The following SNTG1 variants were observed in gnomAD, a reference collection of about 807,000 sequenced individuals.
SNTG1 encodes syntrophin gamma 1, also known as gamma-1-syntrophin.
SNTG1 carries 39 observed loss-of-function variants against 74.7 expected under a neutral mutation model. The ratio of observed to expected loss-of-function variants is 0.52; its 90% confidence interval spans 0.40 to 0.68. SNTG1 has a LOEUF of 0.68. Ranked by LOEUF, SNTG1 falls within the 30% of genes least tolerant of loss-of-function variation. The probability of loss-of-function intolerance (pLI) is 0.00; values close to 1 mark genes in which losing one functional copy is unlikely to be tolerated. For missense variants in SNTG1, 685 were observed against 609.5 expected (o/e 1.12, Z -1.30); for synonymous variants, 254 against 217.1 (o/e 1.17, Z -1.49).
chr8:49,940,542 T>G (rs1808593968), intron 1 of SNTG1, among the ~76,000 whole-genome samples: 1 of 152,184 alleles, frequency 6.6e-6, no homozygotes, highest in Non-Finnish European at 1.5e-5. Flanking sequence ...GAAGCAAACT[T>G]TCATAACATT....
At chr8:49,930,822 A>G (rs1173237009) in intron 1 of SNTG1, among the ~76,000 whole-genome samples, 2 of 152,208 alleles carry the variant, frequency 1.3e-5, no homozygotes, top group East Asian at 1.9e-4. Context: ...TAAATAAGAT[A>G]TTAGTAAGAA....
chr8:49,993,653 T>G (rs1026742097), intron 1 of SNTG1, among the ~76,000 whole-genome samples: 2 of 152,142 alleles, frequency 1.3e-5, no homozygotes, highest in Non-Finnish European at 2.9e-5. Flanking sequence ...TGAGAACATA[T>G]AGTGTTTGGT....
chr8:50,190,084 T>C (rs1273972498), intron 2 of SNTG1, among the ~76,000 whole-genome samples: 1 of 152,146 alleles, frequency 6.6e-6, no homozygotes, highest in Non-Finnish European at 1.5e-5. Flanking sequence ...TAAACAAGCA[T>C]GTACTGAATA....
At chr8:50,090,246 AT>A (rs1176271365) in intron 1 of SNTG1, among the ~76,000 whole-genome samples, 24 of 152,274 alleles carry the variant, frequency 1.6e-4, no homozygotes. Context: ...CCAGTTGTAA[AT>A]TGGCTTAAAT....
chr8:50,758,719 T>C (rs2095588387), intron 18 of SNTG1, among the ~76,000 whole-genome samples: 1 of 152,086 alleles, frequency 6.6e-6, no homozygotes, highest in African/African-American at 2.4e-5. Flanking sequence ...ATCCAGTCTA[T>C]CATTGATGGG....
chr8:50,148,317 T>A lies in SNTG1; in HGVS notation c.-102-24244T>A, dbSNP rs540585460. On this transcript the variant is annotated intron_variant, in intron 1 of 18. Transcript: ENST00000642720. ...TCCTTTCAAGAAGTGGAGCTTAATA[T>A]CACTACTTTTGAGTGTAGGTTGGAC... Among the ~76,000 whole-genome samples the A allele has an allele frequency of 3.3e-5, 5 of 152,308 alleles. No homozygotes were observed. The South Asian group carries it at 1.0e-3, about 32-fold the overall frequency.
At chr8:50,619,912 A>C (rs2094910684) in intron 13 of SNTG1, among the ~76,000 whole-genome samples, 2 of 146,672 alleles carry the variant, frequency 1.4e-5, no homozygotes, top group South Asian at 2.1e-4. Flanking sequence ...TGTCTGCAGA[A>C]AAAAAAAAAA....
intron 2 of SNTG1, among the ~76,000 whole-genome samples, 166 bp downstream of exon 2, chr8:50,172,801 T>C (rs1382909359): frequency 6.6e-6 from 1 of 151,772 alleles, no homozygotes; most frequent in African/African-American, 2.4e-5. Flanking sequence ...AAACCTCTTG[T>C]TATGGAAGCA....
rs150729329 is a variant in SNTG1 at position 50,551,878 on chromosome 8, G to A, written c.681-1172G>A. ...ATTAATAATTTGAACCCTCAGAGTCGTGGATGCCCAAGGCCTTACCATGTG... is the reference window on the plus strand; with the variant it reads ...ATTAATAATTTGAACCCTCAGAGTCATGGATGCCCAAGGCCTTACCATGTG... On this transcript the variant is annotated intron_variant, in intron 11 of 18. Coordinates refer to ENST00000642720, the MANE Select transcript of SNTG1 (RefSeq NM_018967.5). Among the ~76,000 whole-genome samples the A allele has an allele frequency of 1.9e-3, 293 of 152,192 alleles. 1 individual carries two copies. Among genetic ancestry groups the A allele is most frequent in the African/African-American group, 6.7e-3 (277 of 41,540 alleles).
At chr8:50,264,779 A>T (rs1563817429) in intron 2 of SNTG1, among the ~76,000 whole-genome samples, 1 of 152,074 alleles carries the variant, frequency 6.6e-6, no homozygotes, top group Non-Finnish European at 1.5e-5. Context: ...GAATTATTCG[A>T]ATCAGGAATG....
At chr8:50,187,399 A>G (rs1220628154) in intron 2 of SNTG1, among the ~76,000 whole-genome samples, 1 of 152,160 alleles carries the variant, frequency 6.6e-6, no homozygotes, top group African/African-American at 2.4e-5. Context: ...CAAACCTGAC[A>G]AAAACGAGCT....
intron 2 of SNTG1, among the ~76,000 whole-genome samples, chr8:50,288,714 A>T (rs1475475897): frequency 6.6e-6 from 1 of 152,162 alleles, no homozygotes; most frequent in Non-Finnish European, 1.5e-5. Flanking sequence ...AAAGGATAGG[A>T]TAAACAGAAT....
At chr8:50,103,924 C>G (rs1409415229) in intron 1 of SNTG1, among the ~76,000 whole-genome samples, 4 of 151,984 alleles carry the variant, frequency 2.6e-5, no homozygotes, top group South Asian at 2.1e-4. Context: ...CTTGATCATG[C>G]TGGATAAGCT....
chr8:50,613,873 G>C (rs2094868279), intron 13 of SNTG1, among the ~76,000 whole-genome samples: 1 of 152,004 alleles, frequency 6.6e-6, no homozygotes, highest in Non-Finnish European at 1.5e-5. Flanking sequence ...TCCTTGAGTA[G>C]GTCTATATGT....
intron 18 of SNTG1, among the ~76,000 whole-genome samples, chr8:50,754,392 C>T (rs1359841280): frequency 6.6e-6 from 1 of 151,890 alleles, no homozygotes; most frequent in Non-Finnish European, 1.5e-5. Flanking sequence ...TGGTTCTGCT[C>T]ATCATAGTCT....
intron 15 of SNTG1, among the ~76,000 whole-genome samples, chr8:50,680,237 T>C (rs1208739822): frequency 6.6e-6 from 1 of 152,164 alleles, no homozygotes. Context: ...TGACAGGCAA[T>C]TTTATTGTAA....
chr8:50,769,146 GAGTACTC>G (rs1006133755), intron 18 of SNTG1, among the ~76,000 whole-genome samples: 1 of 150,926 alleles, frequency 6.6e-6, no homozygotes, highest in Non-Finnish European at 1.5e-5. Flanking sequence ...TTTGTGTTAA[GAGTACTC>G]TGTACTCTTA....
intron 8 of SNTG1, chr8:50,490,850 T>A (rs902047960): frequency 2.0e-5 from 3 of 152,714 alleles, no homozygotes; most frequent in African/African-American, 4.8e-5. Context: ...TTAGCTCAGA[T>A]GCTCCTGCTC....
At chr8:50,207,112 T>C (rs2084280922) in intron 2 of SNTG1, among the ~76,000 whole-genome samples, 1 of 152,212 alleles carries the variant, frequency 6.6e-6, no homozygotes, top group African/African-American at 2.4e-5. Context: ...CCTCTTTTTC[T>C]ATTGATTGGA....
Sources: allele counts gnomAD v4.1 joint callset (sites outside exome capture counted in the v4.1 genomes callset), GRCh38; gene constraint gnomAD v4.1.1; transcripts MANE v1.5; gene names NCBI Gene and HGNC (gene_info 2026-07-23, HGNC 2026-07-21).